The following IRS1 variants were observed in gnomAD, a reference collection of about 807,000 sequenced individuals.
The protein encoded by IRS1 is insulin receptor substrate 1.
IRS1 carries 34 observed loss-of-function variants against 65.6 expected under a neutral mutation model. The observed-to-expected ratio is 0.52, with a 90% CI of 0.39 to 0.69. The LOEUF (loss-of-function observed/expected upper bound fraction) is 0.69, where lower values mean the gene tolerates loss of function less well. Ranked by LOEUF, IRS1 falls within the 30% of genes least tolerant of loss-of-function variation. IRS1 has a pLI of 0.00. For synonymous variants in IRS1, 699 were observed against 683.5 expected (o/e 1.02, Z -0.35); for missense variants, 1,641 against 1,720.2 (o/e 0.95, Z 0.81).
intron 1 of IRS1, among the ~76,000 whole-genome samples, chr2:226,770,979 A>G (rs1176206723): frequency 6.6e-6 from 1 of 152,160 alleles, no homozygotes; most frequent in Admixed American, 6.5e-5. Context: ...TGATGATGCC[A>G]CAGCACTCCA....
chr2:226,787,217 T>C (rs1255734039), intron 1 of IRS1, among the ~76,000 whole-genome samples: 1 of 152,134 alleles, frequency 6.6e-6, no homozygotes, highest in African/African-American at 2.4e-5. Context: ...TTTGTCAATA[T>C]TATGTTTGCA....
chr2:226,780,409 A>T (rs139361769), intron 1 of IRS1, among the ~76,000 whole-genome samples: 2 of 152,258 alleles, frequency 1.3e-5, no homozygotes, highest in African/African-American at 2.4e-5. Flanking sequence ...CAAATTAATT[A>T]AATTAAATTA....
chr2:226,736,717 G>C (rs113822140), intron 1 of IRS1, among the ~76,000 whole-genome samples: 9 of 152,244 alleles, frequency 5.9e-5, no homozygotes, highest in African/African-American at 1.9e-4. Flanking sequence ...AATTTTTCAT[G>C]TGCACAAACA....
intron 1 of IRS1, among the ~76,000 whole-genome samples, chr2:226,793,808 T>C (rs963036076): frequency 4.6e-5 from 7 of 152,226 alleles, no homozygotes; most frequent in African/African-American, 9.7e-5. Flanking sequence ...ATCACATTAT[T>C]TGCAAACTGT....
intron 1 of IRS1, among the ~76,000 whole-genome samples, chr2:226,775,303 T>C (rs745508346): frequency 2.0e-5 from 3 of 152,228 alleles, no homozygotes; most frequent in Non-Finnish European, 4.4e-5. Flanking sequence ...TAAAGTTGTT[T>C]CCCATGGGGC....
chr2:226,764,839 T>C (rs1938998087), intron 1 of IRS1, among the ~76,000 whole-genome samples: 1 of 152,204 alleles, frequency 6.6e-6, no homozygotes, highest in East Asian at 1.9e-4. Flanking sequence ...TAGCTTGCTG[T>C]TCTACAAGAT....
intron 1 of IRS1, among the ~76,000 whole-genome samples, chr2:226,767,778 G>C (rs1281851225): frequency 6.6e-6 from 1 of 152,190 alleles, no homozygotes; most frequent in Non-Finnish European, 1.5e-5. Context: ...ATCTAGGGTA[G>C]AGGTGGCTTT....
rs937291680 is a variant in IRS1 at position 226,791,618 on chromosome 2, A to G, written c.*21+3371T>C. On this transcript the variant is annotated intron_variant, in intron 1 of 1. Coordinates refer to ENST00000305123, the MANE Select transcript of IRS1 (RefSeq NM_005544.3). The stretch of plus-strand genomic sequence containing the variant: ...GGAAAGAGGTGCCAGGCAGGGTGGC[A>G]GAAAGCGGCCCAGGGACGCCCGCCC... Among the ~76,000 whole-genome samples the G allele has an allele frequency of 5.9e-5, 9 of 151,948 alleles. No homozygotes were observed. The East Asian group carries it at 1.7e-3, about 29-fold the overall frequency.
Position 226,798,594 on chromosome 2 carries a change from TCTCGTAGTACTCGAG to T in IRS1, c.130_144del (p.Leu44_Glu48del). On this transcript the variant is annotated inframe_deletion, in exon 1 of 2. Coordinates refer to ENST00000305123, the MANE Select transcript of IRS1 (RefSeq NM_005544.3). This position sits in a 1 kb window ranked among gnomAD's most constrained non-coding sequence, Gnocchi z 9.4. ...GACTTGTGCCGCCACTTCTTCTCGT[TCTCGTAGTACTCGAG>T]GCGCGCCGGGCCCCCAGCCTCGCTG... The T allele has an allele frequency of 6.2e-7, 1 of 1,613,772 alleles. No individual in the cohort carries two copies. Among genetic ancestry groups the T allele is most frequent in the Non-Finnish European group, 8.5e-7 (1 of 1,179,938 alleles).
chr2:226,739,033 A>C (rs1174907613), intron 1 of IRS1, among the ~76,000 whole-genome samples: 1 of 152,160 alleles, frequency 6.6e-6, no homozygotes, highest in Non-Finnish European at 1.5e-5. Context: ...GAGGAGAGGG[A>C]AAAACAGGTG....
At position 226,794,569 on chromosome 2, in the gene IRS1, T is replaced by C. The variant is rs570119039; in HGVS notation, c.*21+420A>G. On this transcript the variant is annotated intron_variant, in intron 1 of 1. Transcript: ENST00000305123. The surrounding 1 kb of genome is among the most constrained non-coding windows in gnomAD (Gnocchi z 4.1). ...GGCTCCCAGAAACTATTAAGATAGTTTAAGATAAGGAAGGGTTTAGCCCCT... is the reference window on the plus strand; with the variant it reads ...GGCTCCCAGAAACTATTAAGATAGTCTAAGATAAGGAAGGGTTTAGCCCCT... Among the ~76,000 whole-genome samples the C allele has an allele frequency of 3.4e-4, 52 of 152,284 alleles. 1 individual carries two copies. The highest frequency in any genetic ancestry group is 1.4e-3 in the East Asian group (7 of 5,184).
At chr2:226,764,215 TC>T (rs975469777) in intron 1 of IRS1, among the ~76,000 whole-genome samples, 6 of 151,836 alleles carry the variant, frequency 4.0e-5, no homozygotes, top group African/African-American at 1.5e-4. Context: ...CATCGAAGGA[TC>T]ACTAATGGAA....
intron 1 of IRS1, among the ~76,000 whole-genome samples, chr2:226,783,171 C>G (rs1939419851): frequency 6.6e-6 from 1 of 152,192 alleles, no homozygotes; most frequent in East Asian, 1.9e-4. Flanking sequence ...GAGCTTTCAG[C>G]CTTCACTCAA....
rs1216877388 is a variant in IRS1, at chr2:226,795,369, C to T, written c.3370G>A (p.Ala1124Thr). ...GNTVPFGAGA[A>T]VGGGGGSSSS... ...CTGCTACCGCCACCGCCCCCTACTG[C>T]TGCCCCCGCTCCAAAGGGCACTGTG... Residue 1124 changes from alanine (A) to threonine (T), a missense_variant, in exon 1 of 2, where the codon GCA becomes ACA. Around this residue, in one of 3 missense-constraint regions of IRS1, gnomAD observed 1,324 missense variants for 1,361.0 expected, o/e 0.97. Transcript: ENST00000305123. 1.2e-6 allele frequency: 2 copies of T among 1,613,118 alleles called. No individual in the cohort carries two copies. The highest frequency in any genetic ancestry group is 1.7e-6 in the Non-Finnish European group (2 of 1,179,962).
chr2:226,750,441 G>A (rs1271840840), intron 1 of IRS1, among the ~76,000 whole-genome samples: 1 of 151,886 alleles, frequency 6.6e-6, no homozygotes, highest in Non-Finnish European at 1.5e-5. Context: ...CAACATAAGG[G>A]CCAAAGAAGA....
At position 226,795,091 on chromosome 2, in the gene IRS1, G is replaced by A. The variant is rs2106184301; in HGVS notation, c.3648C>T (p.Ser1216=). The A allele has an allele frequency of 1.3e-6, 2 of 1,597,546 alleles. No homozygotes were observed. The highest frequency in any genetic ancestry group is 1.1e-5 in the South Asian group (1 of 90,514). Residue 1216 remains serine, a synonymous_variant, in exon 1 of 2, where the codon AGC becomes AGT. Transcript: ENST00000305123. ...PPHQPLGSGE[S]SSTRRSSEDL... Reference sequence around the variant, plus strand: ...CCTCACTTGAGCGGCGGGTGGAGCTGCTCTCACCGCTGCCCAGGGGTTGAT... The same window carrying A: ...CCTCACTTGAGCGGCGGGTGGAGCTACTCTCACCGCTGCCCAGGGGTTGAT...
At position 226,798,792 on chromosome 2, in the gene IRS1, G is replaced by T; in HGVS notation, c.-54C>A. On this transcript the variant is annotated 5_prime_UTR_variant, in exon 1 of 2. Coordinates refer to ENST00000305123, the MANE Select transcript of IRS1 (RefSeq NM_005544.3). The surrounding 1 kb of genome is among the most constrained non-coding windows in gnomAD (Gnocchi z 9.4). The stretch of plus-strand genomic sequence containing the variant: ...AGAGGGAGGCTCCGAAAAACAACCG[G>T]GTGGGGGGCGGAGGCTCCTCGCCGC... The T allele has an allele frequency of 6.4e-7, 1 of 1,570,068 alleles. No individual in the cohort carries two copies. Among genetic ancestry groups the T allele is most frequent in the Non-Finnish European group, 8.6e-7 (1 of 1,158,700 alleles).
chr2:226,764,070 TCAG>T (rs147490909), intron 1 of IRS1, among the ~76,000 whole-genome samples: 10,089 of 151,984 alleles, frequency 0.066, 518 homozygotes, highest in African/African-American at 0.14. Flanking sequence ...TGGATAAACT[TCAG>T]CAGAACACAC....
intron 1 of IRS1, among the ~76,000 whole-genome samples, chr2:226,777,654 C>G (rs1939299470): frequency 6.6e-6 from 1 of 152,134 alleles, no homozygotes; most frequent in African/African-American, 2.4e-5. Context: ...CTGTGCTGCT[C>G]TCATGATAGT....
Sources: gnomAD v4.1 joint callset for allele counts (sites outside exome capture counted in the v4.1 genomes callset) on GRCh38, gnomAD v4.1.1 for gene constraint, gnomAD v4.1.1 regional missense constraint, Gnocchi (gnomAD v3.1) non-coding constraint, MANE v1.5 for transcripts, NCBI Gene and HGNC (gene_info 2026-07-23, HGNC 2026-07-21) for gene names.